NEO1: variants seen among roughly 807,000 people sequenced by gnomAD.
NEO1 encodes neogenin 1, also known as neogenin.
A neutral mutation model predicts 159.7 loss-of-function variants in NEO1; 63 were observed. That is an observed-to-expected ratio of 0.39 (90% CI 0.32 to 0.49). NEO1 has a LOEUF of 0.49. Ranked by LOEUF, NEO1 falls within the 20% of genes least tolerant of loss-of-function variation. The pLI is 0.85. For synonymous variants in NEO1, 633 were observed against 662.0 expected, an observed-to-expected ratio of 0.96 and a Z score of 0.67; for missense variants, 1,615 against 1,831.0, an observed-to-expected ratio of 0.88 and a Z score of 2.15.
Position 73,249,127 on chromosome 15 carries a change from G to A in NEO1, c.1674G>A (p.Thr558=), listed in dbSNP as rs772714916. Reference sequence around the variant, plus strand: ...CTTCGCCTACCTCCATCACTGTTACGTGGGAAACACCAGTGTCTGGCAATG... The same window carrying A: ...CTTCGCCTACCTCCATCACTGTTACATGGGAAACACCAGTGTCTGGCAATG... ...YAASPTSITV[T]WETPVSGNGE... Residue 558 remains threonine (T), a synonymous_variant, in exon 10 of 29, where the codon ACG becomes ACA. Transcript: ENST00000261908. 3.6e-5 allele frequency: 58 copies of A among 1,613,896 alleles called. No homozygotes were observed. Among genetic ancestry groups the A allele is most frequent in the South Asian group, 1.8e-4 (16 of 91,080 alleles).
chr15:73,103,489 G>T (rs2070512685), intron 1 of NEO1, among the ~76,000 whole-genome samples: 1 of 152,128 alleles, frequency 6.6e-6, no homozygotes, highest in Non-Finnish European at 1.5e-5. Flanking sequence ...CATTTTGCAG[G>T]AATGTCCTCC....
chr15:73,295,500 C>T (rs1431432443), intron 26 of NEO1, among the ~76,000 whole-genome samples: 2 of 151,532 alleles, frequency 1.3e-5, no homozygotes, highest in Non-Finnish European at 2.9e-5. Context: ...CTACCCAGCC[C>T]TCTCCCTTGT....
intron 1 of NEO1, among the ~76,000 whole-genome samples, chr15:73,055,915 T>C (rs1347355858): frequency 6.6e-6 from 1 of 152,218 alleles, no homozygotes. Flanking sequence ...GTTTCTTGAC[T>C]CTGAATCGGT....
intron 5 of NEO1, among the ~76,000 whole-genome samples, chr15:73,167,167 C>G (rs938174340): frequency 6.6e-6 from 1 of 150,424 alleles, no homozygotes; most frequent in African/African-American, 2.4e-5. Context: ...GGAGATATAC[C>G]TAATGTAAAT....
chr15:73,122,267 G>A (rs928914414), intron 2 of NEO1, among the ~76,000 whole-genome samples: 5 of 151,306 alleles, frequency 3.3e-5, no homozygotes, highest in African/African-American at 7.3e-5. Flanking sequence ...CAGTACCATA[G>A]GACTTATTCT....
intron 1 of NEO1, among the ~76,000 whole-genome samples, chr15:73,065,954 G>A (rs1054493364): frequency 1.3e-5 from 2 of 151,874 alleles, no homozygotes; most frequent in Admixed American, 6.6e-5. Context: ...ATTAGAGGCA[G>A]CACTCTCTAT....
chr15:73,153,023 G>A (rs1369174551), intron 5 of NEO1, among the ~76,000 whole-genome samples: 2 of 152,192 alleles, frequency 1.3e-5, no homozygotes, highest in African/African-American at 4.8e-5. Flanking sequence ...AAAGCCAGCA[G>A]TATAGTTTGA....
intron 5 of NEO1, among the ~76,000 whole-genome samples, chr15:73,146,428 T>C (rs531579506): frequency 6.6e-6 from 1 of 152,364 alleles, no homozygotes; most frequent in Admixed American, 6.5e-5. Context: ...AATTTCACTT[T>C]ATAAACTTTA....
chr15:73,177,795 C>T (rs1049599627), intron 6 of NEO1, among the ~76,000 whole-genome samples: 1 of 152,174 alleles, frequency 6.6e-6, no homozygotes, highest in Non-Finnish European at 1.5e-5. Context: ...CCTGCCTCGG[C>T]CTCCCAAAGT....
At chr15:73,228,468 T>C (rs1342509742) in intron 7 of NEO1, among the ~76,000 whole-genome samples, 2 of 148,918 alleles carry the variant, frequency 1.3e-5, no homozygotes, top group African/African-American at 2.5e-5. Flanking sequence ...GGTATAAGTT[T>C]TTTTTTTTTT....
rs748463451 is a variant in NEO1, at chr15:73,178,337, G to C, written c.1201G>C (p.Val401Leu). ...KEHNLQVLGLVKSDEGFYQCI... is the reference protein window; with the variant it reads ...KEHNLQVLGLLKSDEGFYQCI... ...ACATAATCTTCAAGTTTTGGGTCTGGTGAAATCAGATGAAGGGTTCTATCA... is the reference window on the plus strand; with the variant it reads ...ACATAATCTTCAAGTTTTGGGTCTGCTGAAATCAGATGAAGGGTTCTATCA... The change falls in exon 7 of 29, where the codon GTG becomes CTG. Residue 401 changes from valine (V) to leucine (L), a missense_variant. Around this residue, in one of 3 missense-constraint regions of NEO1, gnomAD observed 1,018 missense variants for 1,115.4 expected, o/e 0.91. Coordinates refer to ENST00000261908, the MANE Select transcript of NEO1 (RefSeq NM_002499.4). The C allele has an allele frequency of 2.5e-6, 4 of 1,613,336 alleles. No homozygotes were observed. Among genetic ancestry groups the C allele is most frequent in the Middle Eastern group, 1.7e-4 (1 of 6,050 alleles).
At chr15:73,274,968 T>C (rs2041342073) in intron 21 of NEO1, among the ~76,000 whole-genome samples, 1 of 152,130 alleles carries the variant, frequency 6.6e-6, no homozygotes, top group South Asian at 2.1e-4. Context: ...TGTAGGAGAT[T>C]CGTCTTAAGT....
In NEO1 at chr15:73,124,263, A is replaced by G. The variant is rs1379538870; in HGVS notation, c.724+1463A>G. Among the ~76,000 whole-genome samples the G allele has an allele frequency of 4.6e-5, 7 of 151,810 alleles. No homozygotes were observed. In the East Asian group the frequency reaches 1.4e-3, roughly 29 times the overall value. On this transcript the variant is annotated intron_variant, in intron 3 of 28. Transcript: ENST00000261908. Reference sequence around the variant, plus strand: ...ATTTTTTTTAGAGATGGATTTTGCCATATTGCCCAAGTTGGCCTTGAACTC... The same window carrying G: ...ATTTTTTTTAGAGATGGATTTTGCCGTATTGCCCAAGTTGGCCTTGAACTC...
chr15:73,184,525 G>A (rs530780224), intron 7 of NEO1, among the ~76,000 whole-genome samples: 2 of 152,316 alleles, frequency 1.3e-5, no homozygotes, highest in South Asian at 2.1e-4. Context: ...CCCCTCAAAT[G>A]TGTTTGTAGC....
chr15:73,226,179 A>C (rs2150789869), intron 7 of NEO1, among the ~76,000 whole-genome samples: 1 of 152,222 alleles, frequency 6.6e-6, no homozygotes, highest in South Asian at 2.1e-4. Flanking sequence ...TGAGCAATCC[A>C]CTGCCTTCAG....
At chr15:73,218,465 CT>C (rs1397834612) in intron 7 of NEO1, among the ~76,000 whole-genome samples, 1 of 149,692 alleles carries the variant, frequency 6.7e-6, no homozygotes, top group East Asian at 2.0e-4. Context: ...AGGATTCCCT[CT>C]TTTTGTATTG....
rs942598474 is a variant in NEO1, at chr15:73,293,494, A to C, written c.3847A>C (p.Ser1283Arg). The stretch of plus-strand genomic sequence containing the variant: ...TCGCAGTCATCTCTACCACCCGGGC[A>C]GCCCATGGCCCATTGGCACATCCAT... ...PARSHLYHPG[S>R]PWPIGTSMSL... is the part of the protein sequence containing the mutation. Residue 1283 changes from serine (S) to arginine (R), a missense_variant, in exon 26 of 29, where the codon AGC becomes CGC. Physicochemically the swap from Ser to Arg is moderately radical, Grantham distance 110 (BLOSUM62 -1). This residue lies in a region of NEO1 where 471 missense variants were observed against 498.9 expected (regional missense o/e 0.94). Transcript: ENST00000261908. The C allele has an allele frequency of 6.2e-7, 1 of 1,614,192 alleles. No individual in the cohort carries two copies. The highest frequency in any genetic ancestry group is 1.7e-5 in the Admixed American group (1 of 60,026).
At chr15:73,073,111 T>G (rs2068614391) in intron 1 of NEO1, among the ~76,000 whole-genome samples, 1 of 152,206 alleles carries the variant, frequency 6.6e-6, no homozygotes, top group Admixed American at 6.5e-5. Context: ...GTGAGTCATA[T>G]GCTTAGAATG....
At chr15:73,101,755 C>A (rs1026833695) in intron 1 of NEO1, among the ~76,000 whole-genome samples, 2 of 152,122 alleles carry the variant, frequency 1.3e-5, no homozygotes, top group African/African-American at 4.8e-5. Context: ...ATCCTTGATA[C>A]TCTATTGTGG....
Sources: gnomAD v4.1 joint callset for allele counts (sites outside exome capture counted in the v4.1 genomes callset) on GRCh38, gnomAD v4.1.1 for gene constraint, gnomAD v4.1.1 regional missense constraint, MANE v1.5 for transcripts, NCBI Gene and HGNC (gene_info 2026-07-23, HGNC 2026-07-21) for gene names.